Variants in NR3C2 observed in about 807,000 individuals in gnomAD.
NR3C2 encodes the protein nuclear receptor subfamily 3 group C member 2, also known as mineralocorticoid receptor.
In NR3C2, 15 loss-of-function variants were observed where a neutral mutation model predicts 86.4. That is an observed-to-expected ratio of 0.17 (90% confidence interval 0.12 to 0.27). The LOEUF is 0.27. Among genes scored for constraint, NR3C2 ranks in the 10% least tolerant of loss-of-function variants. The pLI is 1.00. For synonymous variants in NR3C2, 458 were observed against 450.5 expected (o/e 1.02, Z -0.21); for missense variants, 960 against 1,195.6 (o/e 0.80, Z 2.91).
At chr4:148,115,648 C>T (rs887647675) in intron 7 of NR3C2, among the ~76,000 whole-genome samples, 3 of 152,296 alleles carry the variant, frequency 2.0e-5, no homozygotes, top group Middle Eastern at 3.4e-3. Context: ...AACCCTGTTA[C>T]CCTACAAAAA....
intron 8 of NR3C2, among the ~76,000 whole-genome samples, chr4:148,111,254 G>GT (rs1560927168): frequency 6.6e-6 from 1 of 152,146 alleles, no homozygotes; most frequent in Non-Finnish European, 1.5e-5. Context: ...CAATCTTTTC[G>GT]TAAGTGAAAA....
chr4:148,381,564 C>A (rs539279797), intron 2 of NR3C2, among the ~76,000 whole-genome samples: 2 of 152,260 alleles, frequency 1.3e-5, no homozygotes, highest in Admixed American at 6.5e-5. Flanking sequence ...TGTCCACACC[C>A]ATGACGAACA....
intron 2 of NR3C2, among the ~76,000 whole-genome samples, chr4:148,302,197 G>A (rs932040041): frequency 6.6e-6 from 1 of 152,058 alleles, no homozygotes; most frequent in African/African-American, 2.4e-5. Context: ...CTGTGACATT[G>A]GAATAAAGAA....
chr4:148,209,382 C>T (rs1396297358), intron 3 of NR3C2, among the ~76,000 whole-genome samples: 1 of 152,136 alleles, frequency 6.6e-6, no homozygotes, highest in Non-Finnish European at 1.5e-5. Flanking sequence ...TGGGCTCAAG[C>T]AATGCTGCTG....
At chr4:148,326,234 CAA>C (rs11381917) in intron 2 of NR3C2, among the ~76,000 whole-genome samples, 4,819 of 133,712 alleles carry the variant, frequency 0.036, 257 homozygotes, top group African/African-American at 0.12. Context: ...ACTAAAAATA[CAA>C]AAAAAAAAAA....
At chr4:148,359,836 T>C (rs543981713) in intron 2 of NR3C2, among the ~76,000 whole-genome samples, 3 of 152,262 alleles carry the variant, frequency 2.0e-5, no homozygotes, top group African/African-American at 7.2e-5. Context: ...GGCAATGTAA[T>C]GTACAGGAGA....
At chr4:148,341,331 A>AT (rs564376331) in intron 2 of NR3C2, among the ~76,000 whole-genome samples, 3 of 152,178 alleles carry the variant, frequency 2.0e-5, no homozygotes, top group Non-Finnish European at 4.4e-5. Context: ...GGAGGGCATT[A>AT]TATTAAGTGA....
intron 3 of NR3C2, among the ~76,000 whole-genome samples, chr4:148,203,200 CA>C (rs200496975): frequency 0.011 from 1,741 of 152,142 alleles, 13 homozygotes; most frequent in Non-Finnish European, 0.019. Context: ...GCTGTTCATT[CA>C]AACATGGGAA....
intron 2 of NR3C2, among the ~76,000 whole-genome samples, chr4:148,421,518 A>C (rs1325033104): frequency 6.6e-6 from 1 of 152,234 alleles, no homozygotes; most frequent in African/African-American, 2.4e-5. Context: ...TCTAAGAATA[A>C]GTATGATGAG....
intron 2 of NR3C2, among the ~76,000 whole-genome samples, chr4:148,344,902 G>A (rs1744918284): frequency 6.6e-6 from 1 of 152,074 alleles, no homozygotes; most frequent in South Asian, 2.1e-4. Flanking sequence ...TAGCAATTCT[G>A]CTTGTTTACT....
intron 5 of NR3C2, among the ~76,000 whole-genome samples, chr4:148,154,228 T>C (rs1734238931): frequency 6.6e-6 from 1 of 152,150 alleles, no homozygotes; most frequent in Non-Finnish European, 1.5e-5. Context: ...AGGCTGGTCT[T>C]GAACTCCTGA....
intron 2 of NR3C2, among the ~76,000 whole-genome samples, chr4:148,323,877 T>C (rs1157820568): frequency 6.6e-6 from 1 of 152,150 alleles, no homozygotes; most frequent in African/African-American, 2.4e-5. Context: ...CCGGAGCTGT[T>C]CCCATTTGGC....
At chr4:148,291,092 C>T (rs1741776534) in intron 2 of NR3C2, among the ~76,000 whole-genome samples, 1 of 152,088 alleles carries the variant, frequency 6.6e-6, no homozygotes. Flanking sequence ...CACATCAGCC[C>T]TTTAGACTGA....
chr4:148,099,728 C>T (rs908717012), intron 8 of NR3C2, among the ~76,000 whole-genome samples: 32 of 152,036 alleles, frequency 2.1e-4, no homozygotes, highest in Non-Finnish European at 3.1e-4. Flanking sequence ...TGCATAGGAG[C>T]GGGGGATTTA....
intron 2 of NR3C2, among the ~76,000 whole-genome samples, chr4:148,281,617 C>A (rs144450494): frequency 0.011 from 1,723 of 152,302 alleles, 26 homozygotes; most frequent in African/African-American, 0.039. Context: ...CAATCTTTGG[C>A]CTGAGCTTCA....
At chr4:148,243,025 T>G (rs1331450198) in intron 3 of NR3C2, among the ~76,000 whole-genome samples, 4 of 146,594 alleles carry the variant, frequency 2.7e-5, no homozygotes, top group Admixed American at 6.8e-5. Flanking sequence ...CTTTTCAGGT[T>G]TTTTTTTTTT....
At position 148,335,033 on chromosome 4, in the gene NR3C2, C is replaced by T. The variant is rs149730587; in HGVS notation, c.1758-74916G>A. On this transcript the variant is annotated intron_variant, in intron 2 of 8. Coordinates refer to ENST00000358102, the MANE Select transcript of NR3C2 (RefSeq NM_000901.5). ...TTGTATAAAGATTCCAGTTATATTACATTAGGGGCCACTCTATTCCAGTAT... is the reference window on the plus strand; with the variant it reads ...TTGTATAAAGATTCCAGTTATATTATATTAGGGGCCACTCTATTCCAGTAT... 5.4e-3 allele frequency among the ~76,000 whole-genome samples: 830 copies of T among 152,300 alleles called. 6 individuals are homozygous for T. The highest frequency in any genetic ancestry group is 8.7e-3 in the Non-Finnish European group (595 of 68,028).
At chr4:148,335,209 A>G (rs931007389) in intron 2 of NR3C2, among the ~76,000 whole-genome samples, 1 of 152,200 alleles carries the variant, frequency 6.6e-6, no homozygotes, top group African/African-American at 2.4e-5. Flanking sequence ...GTAACAGACC[A>G]AGTGATTCTA....
In NR3C2 at chr4:148,436,533, C is replaced by T. The variant is rs1415347555; in HGVS notation, c.328G>A (p.Asp110Asn). 1.9e-6 allele frequency: 3 copies of T among 1,614,088 alleles called. No homozygotes were observed. The highest frequency in any genetic ancestry group is 1.7e-6 in the Non-Finnish European group (2 of 1,180,046). Residue 110 changes from aspartate (D) to asparagine (N), a missense_variant, in exon 2 of 9, where the codon GAT becomes AAT. Asp to Asn is a conservative substitution (Grantham distance 23). Around this residue, in one of 4 missense-constraint regions of NR3C2, gnomAD observed 680 missense variants for 719.0 expected, o/e 0.95. Coordinates refer to ENST00000358102, the MANE Select transcript of NR3C2 (RefSeq NM_000901.5). ...GAATAGTCAGCATCTCTTACAGAAT[C>T]CATATATAAACCCATGGACTCAGCT... ...TVAESMGLYM[D>N]SVRDADYSYE...
Sources: gnomAD v4.1 joint callset for allele counts (sites outside exome capture counted in the v4.1 genomes callset) on GRCh38, gnomAD v4.1.1 for gene constraint, gnomAD v4.1.1 regional missense constraint, MANE v1.5 for transcripts, NCBI Gene and HGNC (gene_info 2026-07-23, HGNC 2026-07-21) for gene names.